Variants in NBEA observed in about 807,000 individuals in gnomAD.
The protein encoded by NBEA is neurobeachin.
Under a neutral mutation model 343.4 loss-of-function variants are expected in NBEA, and 44 were observed. That is an observed-to-expected ratio of 0.13 (90% CI 0.10 to 0.16). The LOEUF (loss-of-function observed/expected upper bound fraction) is 0.16, where lower values mean the gene tolerates loss of function less well. Among genes scored for constraint, NBEA ranks in the 10% least tolerant of loss-of-function variants. The pLI, the probability that NBEA is intolerant of heterozygous loss-of-function variation, is 1.00. For synonymous variants in NBEA, 1,175 were observed against 1,238.7 expected (o/e 0.95, Z 1.08); for missense variants, 2,555 against 3,631.3 (o/e 0.70, Z 7.62).
At chr13:35,633,568 T>C (rs571910973) in intron 49 of NBEA, among the ~76,000 whole-genome samples, 1 of 151,866 alleles carries the variant, frequency 6.6e-6, no homozygotes, top group South Asian at 2.1e-4. Context: ...ATGGGAATGA[T>C]ATTATAAGTT....
At chr13:35,379,207 C>A (rs1031130845) in intron 38 of NBEA, among the ~76,000 whole-genome samples, 1 of 152,074 alleles carries the variant, frequency 6.6e-6, no homozygotes, top group Non-Finnish European at 1.5e-5. Context: ...AGTTGCTCTG[C>A]ATTCTCTCCT....
chr13:34,956,026 T>C (rs2059479994), intron 1 of NBEA, among the ~76,000 whole-genome samples: 1 of 152,208 alleles, frequency 6.6e-6, no homozygotes, highest in Non-Finnish European at 1.5e-5. Flanking sequence ...CCCTTTTATT[T>C]GACTGTTGAA....
chr13:35,445,944 C>T (rs1280134487), intron 39 of NBEA, among the ~76,000 whole-genome samples: 3 of 151,220 alleles, frequency 2.0e-5, no homozygotes, highest in African/African-American at 7.3e-5. Flanking sequence ...TTAGGTATAT[C>T]TCCTAATGCT....
At chr13:35,367,802 A>G (rs2041209386) in intron 38 of NBEA, among the ~76,000 whole-genome samples, 1 of 151,416 alleles carries the variant, frequency 6.6e-6, no homozygotes, top group Middle Eastern at 3.2e-3. Flanking sequence ...AAACTATCAC[A>G]CTGGCATTTT....
intron 19 of NBEA, 25 bp from the exon 20 acceptor site, chr13:35,156,058 A>G: frequency 6.4e-7 from 1 of 1,559,270 alleles, no homozygotes; most frequent in Non-Finnish European, 8.6e-7. Flanking sequence ...TTACAAATCT[A>G]CAAGTTTTTT....
intron 47 of NBEA, among the ~76,000 whole-genome samples, chr13:35,605,295 T>C (rs6563040): frequency 0.46 from 69,850 of 151,894 alleles, 16,599 homozygotes; most frequent in African/African-American, 0.56. Flanking sequence ...TCACACAGAG[T>C]GTTACTAAAA....
chr13:35,475,114 G>T (rs757612136), intron 41 of NBEA: 8 of 1,613,974 alleles, frequency 5.0e-6, no homozygotes, highest in Non-Finnish European at 6.8e-6. Context: ...CAGTCGCCAC[G>T]TTTGTTTGGC....
chr13:35,076,302 TTTGATGTAC>T (rs578173281), intron 10 of NBEA, among the ~76,000 whole-genome samples: 7 of 151,944 alleles, frequency 4.6e-5, no homozygotes, highest in Non-Finnish European at 1.0e-4. Context: ...AAAAAATACA[TTTGATGTAC>T]TTGCACTACT....
At chr13:35,454,598 C>T (rs1329079522) in intron 40 of NBEA, among the ~76,000 whole-genome samples, 1 of 152,134 alleles carries the variant, frequency 6.6e-6, no homozygotes, top group Non-Finnish European at 1.5e-5. Flanking sequence ...TGGTTGCTCA[C>T]ACCTGTAATC....
chr13:35,543,252 A>G (rs2078914774), intron 41 of NBEA, among the ~76,000 whole-genome samples: 1 of 152,204 alleles, frequency 6.6e-6, no homozygotes, highest in Non-Finnish European at 1.5e-5. Flanking sequence ...ACTTATTGCT[A>G]CAATAATACA....
At chr13:35,307,127 A>G (rs984534781) in intron 35 of NBEA, among the ~76,000 whole-genome samples, 1 of 151,942 alleles carries the variant, frequency 6.6e-6, no homozygotes, top group African/African-American at 2.4e-5. Context: ...TTTTATCTCA[A>G]CTTCTCTACA....
intron 38 of NBEA, among the ~76,000 whole-genome samples, chr13:35,431,613 C>CGA (rs1186999857): frequency 1.3e-5 from 2 of 152,134 alleles, no homozygotes; most frequent in Non-Finnish European, 2.9e-5. Context: ...TCCAAGAACT[C>CGA]TATTAGCATT....
chr13:35,173,295 T>G (rs966507581), intron 26 of NBEA, among the ~76,000 whole-genome samples, 169 bp from the exon 27 acceptor site: 5 of 152,114 alleles, frequency 3.3e-5, no homozygotes, highest in African/African-American at 1.2e-4. Context: ...TGTAGGTACT[T>G]TCACTACTGT....
At chr13:35,534,654 T>C (rs2078440223) in intron 41 of NBEA, among the ~76,000 whole-genome samples, 1 of 152,196 alleles carries the variant, frequency 6.6e-6, no homozygotes, top group Non-Finnish European at 1.5e-5. Context: ...ATACCGTAGC[T>C]CATTTAATTC....
rs575290115 is a variant in NBEA at position 35,085,046 on chromosome 13, C to A, written c.1572-13251C>A. 6.6e-5 allele frequency among the ~76,000 whole-genome samples: 10 copies of A among 152,222 alleles called. No homozygotes were observed. The East Asian group carries it at 1.9e-3, about 29-fold the overall frequency. ...AGACTAGCCCAGGAAGAAGTTGAATCTCTGAATAGACCAATAACAGGCTCT... is the reference window on the plus strand; with the variant it reads ...AGACTAGCCCAGGAAGAAGTTGAATATCTGAATAGACCAATAACAGGCTCT... On this transcript the variant is annotated intron_variant, in intron 10 of 58. Coordinates refer to ENST00000379939, the MANE Select transcript of NBEA (RefSeq NM_001385012.1).
chr13:35,079,844 TG>T (rs2064295973), intron 10 of NBEA, among the ~76,000 whole-genome samples: 1 of 152,138 alleles, frequency 6.6e-6, no homozygotes, highest in African/African-American at 2.4e-5. Context: ...TTACTTCTCA[TG>T]GGATGTGGGC....
At chr13:35,560,702 C>T (rs770513722) in intron 44 of NBEA, among the ~76,000 whole-genome samples, 38 of 152,140 alleles carry the variant, frequency 2.5e-4, no homozygotes, top group Non-Finnish European at 4.1e-4. Flanking sequence ...TGGCTTGAGG[C>T]AAGGGAGCCA....
At chr13:35,641,803 G>C (rs1222474792) in intron 49 of NBEA, among the ~76,000 whole-genome samples, 1 of 151,834 alleles carries the variant, frequency 6.6e-6, no homozygotes, top group Non-Finnish European at 1.5e-5. Context: ...TCTTAATGTA[G>C]ATGGTGGTTA....
intron 47 of NBEA, 61 bp from the exon 48 acceptor site, chr13:35,606,365 T>C: frequency 3.3e-6 from 3 of 915,270 alleles, no homozygotes; most frequent in Non-Finnish European, 3.0e-6. Flanking sequence ...TATAAGTTAA[T>C]AGTTTTATTC....
Sources: allele counts gnomAD v4.1 joint callset (sites outside exome capture counted in the v4.1 genomes callset), GRCh38; gene constraint gnomAD v4.1.1; transcripts MANE v1.5; gene names NCBI Gene and HGNC (gene_info 2026-07-23, HGNC 2026-07-21).